CDH13: variants seen among roughly 807,000 people sequenced by gnomAD.
CDH13 encodes cadherin 13.
Under a neutral mutation model 63.8 loss-of-function variants are expected in CDH13, and 24 were observed. The ratio of observed to expected loss-of-function variants is 0.38; its 90% CI spans 0.27 to 0.53. The LOEUF is 0.53. CDH13 is among the 20% of genes least tolerant of loss of function. The probability of loss-of-function intolerance (pLI) is 0.85; values close to 1 mark genes in which losing one functional copy is unlikely to be tolerated. For missense variants in CDH13, 1,049 were observed against 903.1 expected (o/e 1.16, Z -2.07); for synonymous variants, 503 against 355.3 (o/e 1.42, Z -4.67).
rs138366854 is a variant in CDH13, at chr16:82,634,892, T to C, written c.45+7755T>C. Among the ~76,000 whole-genome samples, 694 of 152,340 alleles carry C rather than the reference T, an allele frequency of 4.6e-3. 2 individuals are homozygous for C. Among genetic ancestry groups the C allele is most frequent in the Non-Finnish European group, 6.8e-3 (464 of 68,030 alleles). ...TTCCAATAAATATCTATGATCTCTA[T>C]GGAGGATCTACTATGTTCCAAGCAC... On this transcript the variant is annotated intron_variant, in intron 1 of 13. Transcript: ENST00000567109.
chr16:82,801,977 T>C (rs1206190927), intron 1 of CDH13, among the ~76,000 whole-genome samples: 1 of 152,126 alleles, frequency 6.6e-6, no homozygotes, highest in Non-Finnish European at 1.5e-5. Context: ...GGCAATACAG[T>C]GTGTGTGAAT....
intron 8 of CDH13, among the ~76,000 whole-genome samples, chr16:83,653,184 G>A (rs1462821658): frequency 6.6e-6 from 1 of 152,122 alleles, no homozygotes; most frequent in Non-Finnish European, 1.5e-5. Context: ...CCTGGGGGTG[G>A]GGCTTCTGTT....
intron 6 of CDH13, among the ~76,000 whole-genome samples, chr16:83,370,528 T>C (rs773457573): frequency 1.3e-5 from 2 of 152,154 alleles, no homozygotes; most frequent in African/African-American, 2.4e-5. Context: ...GGAAATTGTG[T>C]GTCACAGGGG....
intron 1 of CDH13, among the ~76,000 whole-genome samples, chr16:82,658,451 A>C (rs534769783): frequency 3.3e-5 from 5 of 152,244 alleles, no homozygotes; most frequent in African/African-American, 1.2e-4. Flanking sequence ...TCATGGTTAC[A>C]TTTTAATATA....
chr16:82,677,814 G>T (rs1000157626), intron 1 of CDH13, among the ~76,000 whole-genome samples: 1 of 151,984 alleles, frequency 6.6e-6, no homozygotes, highest in Admixed American at 6.5e-5. Context: ...TGACTGCCTT[G>T]ATGGTTTCAG....
intron 6 of CDH13, among the ~76,000 whole-genome samples, chr16:83,442,695 A>G (rs1485136348): frequency 2.6e-5 from 4 of 152,238 alleles, no homozygotes; most frequent in Non-Finnish European, 4.4e-5. Context: ...GCATTTTGAA[A>G]TTGTTCTTTA....
chr16:83,497,749 C>G (rs1334649206), intron 7 of CDH13, among the ~76,000 whole-genome samples: 1 of 152,168 alleles, frequency 6.6e-6, no homozygotes, highest in African/African-American at 2.4e-5. Flanking sequence ...ACCAACGGGC[C>G]ATAGTTGGCC....
chr16:83,039,057 T>G (rs1917112258), intron 3 of CDH13, among the ~76,000 whole-genome samples: 1 of 152,236 alleles, frequency 6.6e-6, no homozygotes, highest in South Asian at 2.1e-4. Flanking sequence ...AGAATTTAGA[T>G]GCCTACGGCC....
rs137910441 is a variant in CDH13 at position 83,341,425 on chromosome 16, G to A, written c.637-3437G>A. 2.2e-3 allele frequency among the ~76,000 whole-genome samples: 333 copies of A among 152,212 alleles called. 1 individual carries two copies. The highest frequency in any genetic ancestry group is 7.1e-3 in the African/African-American group (297 of 41,542). Reference sequence around the variant, plus strand: ...TCACGGGAATGTCAGATTTTGTTACGGTATGTGATTGGGTGGATAAGGCTG... The same window carrying A: ...TCACGGGAATGTCAGATTTTGTTACAGTATGTGATTGGGTGGATAAGGCTG... On this transcript the variant is annotated intron_variant, in intron 5 of 13. Transcript: ENST00000567109.
intron 2 of CDH13, chr16:82,884,206 A>G (rs758805431): frequency 2.0e-5 from 9 of 455,766 alleles, no homozygotes; most frequent in South Asian, 1.1e-4. Context: ...TAGCTGACAG[A>G]CTTTTAAAGT....
chr16:83,367,047 C>T (rs2091270906), intron 6 of CDH13, among the ~76,000 whole-genome samples: 1 of 152,116 alleles, frequency 6.6e-6, no homozygotes, highest in Non-Finnish European at 1.5e-5. Context: ...TAAAGTTACA[C>T]AATCATCGCC....
intron 7 of CDH13, among the ~76,000 whole-genome samples, chr16:83,536,131 C>G (rs902456343): frequency 1.3e-5 from 2 of 152,110 alleles, no homozygotes; most frequent in African/African-American, 4.8e-5. Context: ...ATTGAGAAAT[C>G]CTTTCCGTAA....
chr16:83,220,720 T>C (rs895781595), intron 5 of CDH13, among the ~76,000 whole-genome samples: 1 of 150,674 alleles, frequency 6.6e-6, no homozygotes, highest in Non-Finnish European at 1.5e-5. Flanking sequence ...GTCATCATAA[T>C]AGCGCCAATG....
At chr16:82,784,700 C>T (rs934402922) in intron 1 of CDH13, among the ~76,000 whole-genome samples, 12 of 152,078 alleles carry the variant, frequency 7.9e-5, no homozygotes, top group Admixed American at 7.9e-4. Flanking sequence ...GTAACTCTCT[C>T]TATGGTGAGG....
At chr16:83,643,556 C>T (rs1465514819) in intron 8 of CDH13, among the ~76,000 whole-genome samples, 4 of 152,014 alleles carry the variant, frequency 2.6e-5, no homozygotes. Context: ...CCAGCACCTG[C>T]TACATAGTAA....
intron 4 of CDH13, among the ~76,000 whole-genome samples, chr16:83,162,459 G>T (rs1030936489): frequency 2.0e-5 from 3 of 152,122 alleles, no homozygotes; most frequent in South Asian, 2.1e-4. Flanking sequence ...CCAAGAATAC[G>T]TAGCAAGTAA....
intron 7 of CDH13, among the ~76,000 whole-genome samples, chr16:83,559,552 C>T (rs909416471): frequency 7.2e-6 from 1 of 139,320 alleles, no homozygotes; most frequent in Non-Finnish European, 1.5e-5. Flanking sequence ...GCTTGGGCAA[C>T]AAGAGCGAAA....
chr16:83,393,121 A>G (rs931048154), intron 6 of CDH13, among the ~76,000 whole-genome samples: 17 of 152,218 alleles, frequency 1.1e-4, no homozygotes, highest in African/African-American at 3.4e-4. Flanking sequence ...CAATATCTAG[A>G]TAAAGTGTCC....
intron 6 of CDH13, among the ~76,000 whole-genome samples, chr16:83,399,823 G>T (rs529284873): frequency 6.6e-6 from 1 of 152,114 alleles, no homozygotes; most frequent in Non-Finnish European, 1.5e-5. Flanking sequence ...ATTTAGCACA[G>T]TGCCTCACAC....
Sources: allele counts gnomAD v4.1 joint callset (sites outside exome capture counted in the v4.1 genomes callset), GRCh38; gene constraint gnomAD v4.1.1; transcripts MANE v1.5; gene names NCBI Gene and HGNC (gene_info 2026-07-23, HGNC 2026-07-21).